ASB9: variants seen among roughly 807,000 people sequenced by gnomAD.
ASB9 encodes ankyrin repeat and SOCS box protein 9.
In ASB9, 5 loss-of-function variants were observed where a neutral mutation model predicts 16.6. That is an observed-to-expected ratio of 0.30 (90% CI 0.16 to 0.63). The LOEUF (loss-of-function observed/expected upper bound fraction) is 0.63. ASB9 is among the 30% of genes least tolerant of loss of function. The pLI, the probability that ASB9 is intolerant of heterozygous loss-of-function variation, is 0.82. For synonymous variants in ASB9, 100 were observed against 86.4 expected (o/e 1.16, Z -0.87); for missense variants, 216 against 229.4 (o/e 0.94, Z 0.38).
At chrX:15,254,977 T>G in intron 2 of ASB9, 133 bp from the exon 3 acceptor site, 1 of 457,400 alleles carries the variant, frequency 2.2e-6, no homozygotes, top group Non-Finnish European at 3.6e-6. Flanking sequence ...GGTGTTTATA[T>G]TGACTTTAAA....
chrX:15,256,387 G>A (rs1194149223), intron 2 of ASB9, among the ~76,000 whole-genome samples: 13 of 92,168 alleles, frequency 1.4e-4, no homozygotes, highest in Non-Finnish European at 2.3e-4. Flanking sequence ...GCGCGATCTC[G>A]GGTCACTGCA....
chrX:15,257,641 A>C (rs1371564349), intron 2 of ASB9, among the ~76,000 whole-genome samples: 1 of 111,722 alleles, frequency 9.0e-6, no homozygotes, highest in African/African-American at 3.3e-5. Context: ...ATTATTAACA[A>C]GTCTGAGTCA....
chrX:15,245,393 C>T (rs1924575230), intron 6 of ASB9, among the ~76,000 whole-genome samples: 1 of 105,767 alleles, frequency 9.5e-6, no homozygotes, highest in Non-Finnish European at 1.9e-5. Flanking sequence ...CACAGGACAG[C>T]CCCCAACTGA....
At chrX:15,257,377 G>A (rs1218916961) in intron 2 of ASB9, among the ~76,000 whole-genome samples, 1 of 110,914 alleles carries the variant, frequency 9.0e-6, no homozygotes, top group African/African-American at 3.3e-5. Flanking sequence ...CTGCACTCCA[G>A]ATGGCAACAA....
chrX:15,262,341 A>T (rs1450174327), intron 1 of ASB9, among the ~76,000 whole-genome samples: 1 of 111,842 alleles, frequency 8.9e-6, no homozygotes, highest in Admixed American at 9.5e-5. Flanking sequence ...ATGGTAACAC[A>T]ATGTTTATTT....
intron 6 of ASB9, among the ~76,000 whole-genome samples, chrX:15,247,123 C>A (rs1924735344): frequency 9.0e-6 from 1 of 111,111 alleles, no homozygotes; most frequent in Non-Finnish European, 1.9e-5. Flanking sequence ...GTAGGGGCAC[C>A]CAGAGACAGA....
At chrX:15,249,347 A>G (rs1289273139) in intron 5 of ASB9, among the ~76,000 whole-genome samples, 2 of 112,405 alleles carry the variant, frequency 1.8e-5, no homozygotes, top group Non-Finnish European at 3.8e-5. Flanking sequence ...CAGCTGCCAC[A>G]GGGTGTAAAA....
At chrX:15,258,828 T>C in intron 2 of ASB9, 38 bp downstream of exon 2, 1 of 1,062,211 alleles carries the variant, frequency 9.4e-7, no homozygotes, top group Non-Finnish European at 1.3e-6. Context: ...TTTAATATTT[T>C]GATAGGTTTC....
intron 1 of ASB9, among the ~76,000 whole-genome samples, chrX:15,268,670 G>T (rs938638606): frequency 9.3e-6 from 1 of 107,121 alleles, no homozygotes; most frequent in African/African-American, 3.4e-5. Flanking sequence ...TGCCCGCCTC[G>T]GCCTCCGAAA....
chrX:15,263,316 A>G (rs144654458), intron 1 of ASB9, among the ~76,000 whole-genome samples: 1,698 of 111,437 alleles, frequency 0.015, 41 homozygotes, highest in African/African-American at 0.052. Context: ...GGGTGGATTC[A>G]GTGGCATGAA....
chrX:15,266,587 C>CGT (rs1230136980), intron 1 of ASB9, among the ~76,000 whole-genome samples: 1 of 111,763 alleles, frequency 8.9e-6, no homozygotes, highest in Non-Finnish European at 1.9e-5. Context: ...CATGCCTTTG[C>CGT]GTATAACACC....
At chrX:15,264,090 G>C (rs944214223) in intron 1 of ASB9, among the ~76,000 whole-genome samples, 1 of 111,769 alleles carries the variant, frequency 8.9e-6, no homozygotes, top group African/African-American at 3.3e-5. Flanking sequence ...TGAAATCAAG[G>C]TGTGGACAGG....
chrX:15,252,499 G>C, intron 3 of ASB9, 95 bp from the exon 4 acceptor site: 7 of 852,848 alleles, frequency 8.2e-6, no homozygotes, highest in Non-Finnish European at 1.1e-5. Context: ...TAACATCTCT[G>C]AGCCTTAAAT....
At position 15,252,173 on chromosome X, in the gene ASB9, T is replaced by C. The variant is rs139523461; in HGVS notation, c.433+81A>G. The C allele has an allele frequency of 6.0e-4, 621 of 1,037,321 alleles. 2 individuals carry two copies. The African/African-American group carries it at 8.5e-3, about 14-fold the overall frequency. The allele number at this position is 1,037,321 out of a possible 1,213,427, so 85.5% of individuals were successfully genotyped here. A position where few individuals can be genotyped will look rare whatever the true frequency, so the allele number is the denominator to read the frequency against. On this transcript the variant is annotated intron_variant, in intron 4 of 6. Coordinates refer to ENST00000380488, the MANE Select transcript of ASB9 (RefSeq NM_001031739.3). Reference sequence around the variant, plus strand: ...TTTTGAGAACTACTGCTCTAAAATATATCTCCTTTTCTTTCTTTCTTTCAG... The same window carrying C: ...TTTTGAGAACTACTGCTCTAAAATACATCTCCTTTTCTTTCTTTCTTTCAG...
chrX:15,254,876 T>A (rs1448179253), intron 2 of ASB9, 32 bp from the exon 3 acceptor site: 14 of 1,133,345 alleles, frequency 1.2e-5, no homozygotes, highest in Non-Finnish European at 1.7e-5. Flanking sequence ...GAGTAAGGGG[T>A]GCAAAGCAAC....
At chrX:15,252,217 A>AGGAGT (rs776996007) in intron 4 of ASB9, 37 bp downstream of exon 4, 107 of 1,150,512 alleles carry the variant, frequency 9.3e-5, no homozygotes, top group Non-Finnish European at 1.1e-4. Flanking sequence ...TGTCCCTTGA[A>AGGAGT]GGAGTGGGTA....
chrX:15,261,374 T>C (rs747883573), intron 1 of ASB9, among the ~76,000 whole-genome samples: 5 of 111,944 alleles, frequency 4.5e-5, no homozygotes, highest in Non-Finnish European at 9.4e-5. Context: ...CACTTTTTTT[T>C]CCAAGTGCTC....
chrX:15,252,314 C>T lies in ASB9; in HGVS notation c.373G>A (p.Gly125Arg). The T allele has an allele frequency of 1.7e-6, 2 of 1,211,260 alleles. No homozygotes were observed. The highest frequency in any genetic ancestry group is 1.7e-5 in the African/African-American group (1 of 57,820). ...TCACTCTCAGGTTGAACGCTGGCTC[C>T]GTGCTGCAGAAGCAAATTCACACAA... ...WDCVNLLLQH[G>R]ASVQPESDLA... The change falls in exon 4 of 7, where the codon GGA (glycine) becomes AGA (arginine). Residue 125 changes from glycine to arginine, a missense_variant. Transcript: ENST00000380488.
chrX:15,254,547 T>C (rs1925382507), intron 3 of ASB9, among the ~76,000 whole-genome samples, 190 bp downstream of exon 3: 1 of 112,460 alleles, frequency 8.9e-6, no homozygotes, highest in Admixed American at 9.4e-5. Flanking sequence ...ACTGTAAGCG[T>C]GACTAAAAAT....
Sources: gnomAD v4.1 joint callset for allele counts (sites outside exome capture counted in the v4.1 genomes callset) on GRCh38, gnomAD v4.1.1 for gene constraint, MANE v1.5 for transcripts, NCBI Gene and HGNC (gene_info 2026-07-23, HGNC 2026-07-21) for gene names.